The following PDHA1 variants were observed in gnomAD, a reference collection of about 807,000 sequenced individuals.
The protein encoded by PDHA1 is pyruvate dehydrogenase E1 component subunit alpha, somatic form, mitochondrial.
A neutral mutation model predicts 33.0 loss-of-function variants in PDHA1; 1 was observed. The ratio of observed to expected loss-of-function variants is 0.03; its 90% CI spans 0.01 to 0.14. PDHA1 has a LOEUF of 0.14. PDHA1 is among the 10% of genes least tolerant of loss of function. The pLI is 1.00. For missense variants in PDHA1, 168 were observed against 325.1 expected (o/e 0.52, Z 3.72); for synonymous variants, 123 against 119.2 (o/e 1.03, Z -0.21).
In PDHA1 at chrX:19,359,856, TTTTTGACTTAAAATAG is replaced by T; in HGVS notation, c.*205_*220del. On this transcript the variant is annotated 3_prime_UTR_variant, in exon 11 of 11. Coordinates refer to ENST00000422285, the MANE Select transcript of PDHA1 (RefSeq NM_000284.4). Reference sequence around the variant, plus strand: ...TGAATTATTGAGTGCTTAAAGATTATTTTTGACTTAAAATAGTATACTTTGAACAAATACTCTAATT... The same window carrying T: ...TGAATTATTGAGTGCTTAAAGATTATTATACTTTGAACAAATACTCTAATT... 8.6e-6 allele frequency: 4 copies of T among 464,301 alleles called. No homozygotes were observed. The highest frequency in any genetic ancestry group is 1.5e-5 in the Non-Finnish European group (4 of 261,788). 38.3% of individuals were successfully genotyped at this position (464,301 alleles called of 1,213,427 possible).
chrX:19,345,753 C>A lies in PDHA1; in HGVS notation c.57+1659C>A, dbSNP rs186029731. ...TGTATCAGTTTGCAGGGTCCCCCCCCCCCCGCCACCTTACAGTAGGAAGAA... is the reference window on the plus strand; with the variant it reads ...TGTATCAGTTTGCAGGGTCCCCCCCACCCCGCCACCTTACAGTAGGAAGAA... On this transcript the variant is annotated intron_variant, in intron 1 of 10. Coordinates refer to ENST00000422285, the MANE Select transcript of PDHA1 (RefSeq NM_000284.4). 1.0e-4 allele frequency: 27 copies of A among 268,385 alleles called. 1 individual carries two copies. The Middle Eastern group carries it at 1.5e-3, about 15-fold the overall frequency. 22.1% of individuals were successfully genotyped at this position (268,385 alleles called of 1,213,427 possible). A position where few individuals can be genotyped will look rare whatever the true frequency, so the allele number is the denominator to read the frequency against.
At chrX:19,351,501 A>T (rs1427581605) in intron 4 of PDHA1, 94 bp downstream of exon 4, 3 of 838,365 alleles carry the variant, frequency 3.6e-6, no homozygotes, top group African/African-American at 2.1e-5. Flanking sequence ...TTTGTTAAAA[A>T]TTTTAAGTTT....
intron 1 of PDHA1, among the ~76,000 whole-genome samples, chrX:19,346,159 G>A (rs1381515291): frequency 8.9e-6 from 1 of 111,777 alleles, no homozygotes; most frequent in Non-Finnish European, 1.9e-5. Context: ...CCCAAATTAG[G>A]CAGACTTACT....
rs747680098 is a variant in PDHA1 at position 19,360,803 on chromosome X, C to T, written c.*1150C>T. 65 of 1,207,190 alleles carry T rather than the reference C, an allele frequency of 5.4e-5. No homozygotes were observed. The highest frequency in any genetic ancestry group is 4.6e-4 in the Middle Eastern group (2 of 4,344). The stretch of plus-strand genomic sequence containing the variant: ...CCTGAGCCCTTCTGTACTGGGAGAC[C>T]GCACTCCAGAGTCTGCAGAGGAGAC... On this transcript the variant is annotated 3_prime_UTR_variant, in exon 11 of 11. Transcript: ENST00000422285.
In PDHA1 at chrX:19,359,674, A is replaced by ATACCTTC. The variant is rs762321006; in HGVS notation, c.*22_*28dup. On this transcript the variant is annotated 3_prime_UTR_variant, in exon 11 of 11. Coordinates refer to ENST00000422285, the MANE Select transcript of PDHA1 (RefSeq NM_000284.4). ...GTTAAGGGGAGGAGAAGGAGAGGTT[A>ATACCTTC]TACCTTCAGGGGGCTACCAGACAGT... 9.3e-6 allele frequency: 11 copies of ATACCTTC among 1,181,657 alleles called. No individual in the cohort carries two copies. The highest frequency in any genetic ancestry group is 1.3e-5 in the Non-Finnish European group (11 of 869,909).
intron 9 of PDHA1, among the ~76,000 whole-genome samples, chrX:19,358,339 ATC>A (rs1368479963): frequency 3.6e-5 from 4 of 112,136 alleles, no homozygotes; most frequent in African/African-American, 9.7e-5. Flanking sequence ...CTTTGTGTAA[ATC>A]TATTGTTGAA....
At chrX:19,355,621 A>T in intron 7 of PDHA1, 65 bp from the exon 8 acceptor site, 1 of 1,124,167 alleles carries the variant, frequency 8.9e-7, no homozygotes, top group Non-Finnish European at 1.2e-6. Flanking sequence ...GGAGCAGGTC[A>T]TGTGAAAGTA....
Position 19,361,292 on chromosome X carries a change from A to C in PDHA1, c.*1639A>C. ...TTTTCTGCTCTTGAAGCATATTCAC[A>C]CATAAAAAGTTGTATTCTCTTATAC... On this transcript the variant is annotated 3_prime_UTR_variant, in exon 11 of 11. Coordinates refer to ENST00000422285, the MANE Select transcript of PDHA1 (RefSeq NM_000284.4). 1 of 1,025,963 alleles carries C rather than the reference A, an allele frequency of 9.7e-7. No homozygotes were observed. The highest frequency in any genetic ancestry group is 2.1e-5 in the South Asian group (1 of 48,540). 84.6% of individuals were successfully genotyped at this position (1,025,963 alleles called of 1,213,427 possible). A position where few individuals can be genotyped will look rare whatever the true frequency, so the allele number is the denominator to read the frequency against.
At chrX:19,351,502 TTTTAAG>T in intron 4 of PDHA1, 95 bp downstream of exon 4, 1 of 835,652 alleles carries the variant, frequency 1.2e-6, no homozygotes, top group Non-Finnish European at 1.7e-6. Context: ...TTGTTAAAAA[TTTTAAG>T]TTTCTTTTTT....
Position 19,358,911 on chromosome X carries a change from C to T in PDHA1, c.900-5C>T. ...TGATCGATTACTACTTTTCCCTCCC[C>T]ATAGTTACCGTACACGAGAAGAAAT... is the stretch of plus-strand genomic sequence containing the variant. On this transcript the variant is annotated splice_polypyrimidine_tract_variant and splice_region_variant and intron_variant, in intron 9 of 10. Transcript: ENST00000422285. 5 of 1,099,505 alleles carry T rather than the reference C, an allele frequency of 4.5e-6. No individual in the cohort carries two copies. Among genetic ancestry groups the T allele is most frequent in the Non-Finnish European group, 6.3e-6 (5 of 793,115 alleles). 90.6% of individuals were successfully genotyped at this position (1,099,505 alleles called of 1,213,427 possible). A position where few individuals can be genotyped will look rare whatever the true frequency, so the allele number is the denominator to read the frequency against.
rs1424246381 is a variant in PDHA1 at position 19,354,452 on chromosome X, G to T, written c.511-39G>T. ...GCATTAATTAGTATCTCCCCTCATG[G>T]ATTTCTGTGGTTCCTTTCTCGGTTG... On this transcript the variant is annotated intron_variant, in intron 5 of 10. Transcript: ENST00000422285. The T allele has an allele frequency of 9.4e-6, 8 of 847,629 alleles. No individual in the cohort carries two copies. The South Asian group carries it at 1.6e-4, about 17-fold the overall frequency. The allele number at this position is 847,629 out of a possible 1,213,427, so 69.9% of individuals were successfully genotyped here.
chrX:19,357,335 C>CTGCCCACCTCAGCAAGTGA (rs1569192571), intron 8 of PDHA1: 1 of 298,027 alleles, frequency 3.4e-6, no homozygotes, highest in African/African-American at 2.8e-5. Context: ...GGCGCAAGTG[C>CTGCCCACCTCAGCAAGTGA]TCTGCCCACC....
At position 19,360,154 on chromosome X, in the gene PDHA1, ACATAAC is replaced by A. The variant is rs2063263554; in HGVS notation, c.*502_*507del. The A allele has an allele frequency of 6.5e-6, 1 of 153,950 alleles. No individual in the cohort carries two copies. The highest frequency in any genetic ancestry group is 1.3e-5 in the Non-Finnish European group (1 of 79,694). 12.7% of individuals were successfully genotyped at this position (153,950 alleles called of 1,213,427 possible). On this transcript the variant is annotated 3_prime_UTR_variant, in exon 11 of 11. Transcript: ENST00000422285. Reference sequence around the variant, plus strand: ...CAATTTTGTAATCATTTCAAAGGCCACATAACTTAGTTTTCTCTACTTACACATTCA... The same window carrying A: ...CAATTTTGTAATCATTTCAAAGGCCATTAGTTTTCTCTACTTACACATTCA...
rs1272572107 is a variant in PDHA1, at chrX:19,355,437, C to T, written c.692C>T (p.Thr231Met). The part of the protein sequence containing the change: ...ICENNRYGMG[T>M]SVERAAASTD... Reference sequence around the variant, plus strand: ...GAGAATAATCGCTATGGAATGGGAACGTCTGTTGAGAGAGCGGCAGCCAGC... The same window carrying T: ...GAGAATAATCGCTATGGAATGGGAATGTCTGTTGAGAGAGCGGCAGCCAGC... The change falls in exon 7 of 11, where the codon ACG becomes ATG. Residue 231 changes from threonine to methionine, a missense_variant. Physicochemically the swap from Thr to Met is moderately conservative, Grantham distance 81 (BLOSUM62 -1). Around this residue, in one of 5 missense-constraint regions of PDHA1, gnomAD observed 27 missense variants for 43.8 expected, o/e 0.62. Transcript: ENST00000422285. The T allele has an allele frequency of 2.5e-6, 3 of 1,210,125 alleles. No individual in the cohort carries two copies. The highest frequency in any genetic ancestry group is 3.4e-6 in the Non-Finnish European group (3 of 894,645).
Position 19,359,762 on chromosome X carries a change from A to ACTT in PDHA1, c.*111_*113dup, listed in dbSNP as rs1555935738. 1.1e-5 allele frequency: 8 copies of ACTT among 732,361 alleles called. No individual in the cohort carries two copies. Among genetic ancestry groups the ACTT allele is most frequent in the Non-Finnish European group, 1.5e-5 (7 of 477,409 alleles). 60.4% of individuals were successfully genotyped at this position (732,361 alleles called of 1,213,427 possible). ...ATGAAATTCAATGAAATTCTTGGAA[A>ACTT]CTTCCATTAAGTGTGTAGATTGAGC... On this transcript the variant is annotated 3_prime_UTR_variant, in exon 11 of 11. Transcript: ENST00000422285.
In PDHA1 at chrX:19,360,160, C is replaced by CTT. The variant is rs113050549; in HGVS notation, c.*508_*509dup. 8.6e-5 allele frequency: 13 copies of CTT among 151,344 alleles called. No homozygotes were observed. Among genetic ancestry groups the CTT allele is most frequent in the Admixed American group, 2.3e-4 (3 of 13,007 alleles). 12.5% of individuals were successfully genotyped at this position (151,344 alleles called of 1,213,427 possible). The stretch of plus-strand genomic sequence containing the variant: ...TGTAATCATTTCAAAGGCCACATAA[C>CTT]TTAGTTTTCTCTACTTACACATTCA... On this transcript the variant is annotated 3_prime_UTR_variant, in exon 11 of 11. Transcript: ENST00000422285.
intron 4 of PDHA1, 25 bp from the exon 5 acceptor site, chrX:19,353,057 C>T: frequency 8.7e-7 from 1 of 1,151,396 alleles, no homozygotes; most frequent in Non-Finnish European, 1.2e-6. Flanking sequence ...TTGTTCTGCA[C>T]ATGTGTATGT....
chrX:19,347,230 G>A (rs1030257248), intron 1 of PDHA1, among the ~76,000 whole-genome samples: 3 of 111,771 alleles, frequency 2.7e-5, no homozygotes, highest in East Asian at 2.8e-4. Flanking sequence ...TGGGTTGTTC[G>A]TGGTCTCTGT....
In PDHA1 at chrX:19,359,019, C is replaced by CTAAAGGTACAGTCACTTGTTCA; in HGVS notation, c.1005_1008+18dup. On this transcript the variant is annotated frameshift_variant, in exon 10 of 11. Coordinates refer to ENST00000422285, the MANE Select transcript of PDHA1 (RefSeq NM_000284.4). LOFTEE classifies it high-confidence loss of function. ...CAGCAATCTTGCCAGTGTGGAAGAA[C>CTAAAGGTACAGTCACTTGTTCA]TAAAGGTACAGTCACTTGTTCATGG... The CTAAAGGTACAGTCACTTGTTCA allele has an allele frequency of 8.8e-7, 1 of 1,134,367 alleles. No homozygotes were observed. 93.5% of individuals were successfully genotyped at this position (1,134,367 alleles called of 1,213,427 possible). A position where few individuals can be genotyped will look rare whatever the true frequency, so the allele number is the denominator to read the frequency against.
Sources: gnomAD v4.1 joint callset for allele counts (sites outside exome capture counted in the v4.1 genomes callset) on GRCh38, gnomAD v4.1.1 for gene constraint, gnomAD v4.1.1 regional missense constraint, MANE v1.5 for transcripts, NCBI Gene and HGNC (gene_info 2026-07-23, HGNC 2026-07-21) for gene names.